DNAJC27: variants seen among roughly 807,000 people sequenced by gnomAD.
The protein encoded by DNAJC27 is dnaJ homolog subfamily C member 27.
DNAJC27 carries 25 observed loss-of-function variants against 31.4 expected under a neutral mutation model. The observed-to-expected ratio is 0.80, with a 90% CI of 0.58 to 1.11. The LOEUF (loss-of-function observed/expected upper bound fraction) is 1.11, where lower values mean the gene tolerates loss of function less well. DNAJC27 is among the 50% of genes most tolerant of loss of function. The pLI, the probability that DNAJC27 is intolerant of heterozygous loss-of-function variation, is 0.00. For missense variants in DNAJC27, 356 were observed against 347.3 expected (o/e 1.02, Z -0.20); for synonymous variants, 106 against 112.7 (o/e 0.94, Z 0.37).
In DNAJC27 at chr2:24,947,759, A is replaced by C. The variant is rs200057489; in HGVS notation, c.690-11T>G. 5.0e-6 allele frequency: 8 copies of C among 1,609,834 alleles called. No homozygotes were observed. The highest frequency in any genetic ancestry group is 2.2e-5 in the South Asian group (2 of 90,832). Reference sequence around the variant, plus strand: ...TTATTGACTTCATCCCTGGGAAAAGAAGCCAAGATCTATGTTAGTAACAGA... The same window carrying C: ...TTATTGACTTCATCCCTGGGAAAAGCAGCCAAGATCTATGTTAGTAACAGA... On this transcript the variant is annotated splice_polypyrimidine_tract_variant and intron_variant, in intron 6 of 6. Transcript: ENST00000264711.
chr2:24,970,762 A>G (rs1489201336), intron 1 of DNAJC27, among the ~76,000 whole-genome samples: 3 of 147,762 alleles, frequency 2.0e-5, no homozygotes, highest in African/African-American at 7.4e-5. Flanking sequence ...CAGTCCCTAG[A>G]AAAAAAAAAA....
At chr2:24,961,044 A>G (rs1392590354) in intron 3 of DNAJC27, among the ~76,000 whole-genome samples, 1 of 152,240 alleles carries the variant, frequency 6.6e-6, no homozygotes, top group Non-Finnish European at 1.5e-5. Context: ...TAGAGAGGAA[A>G]AGTCGATGCC....
rs768673712 is a variant in DNAJC27 at position 24,971,864 on chromosome 2, G to C, written c.41C>G (p.Ser14Cys). 10 of 1,609,416 alleles carry C rather than the reference G, an allele frequency of 6.2e-6. No individual in the cohort carries two copies. In the East Asian group the frequency reaches 2.2e-4, roughly 36 times the overall value. Residue 14 changes from serine to cysteine, a missense_variant, in exon 1 of 7, where the codon TCT becomes TGT. Physicochemically the swap from Ser to Cys is moderately radical, Grantham distance 112 (BLOSUM62 -1). Transcript: ENST00000264711. ...CATGGAGATGACTTTGATGCGGAGA[G>C]ACCTGCCGGGCTCCTTCCGCTTCGG... ...NMPKRKEPGR[S>C]LRIKVISMGN...
chr2:24,966,700 G>A (rs1040274940), intron 2 of DNAJC27, among the ~76,000 whole-genome samples: 16 of 151,968 alleles, frequency 1.1e-4, no homozygotes, highest in Non-Finnish European at 2.4e-4. Flanking sequence ...CTCGTTATCC[G>A]CCCGTCTCGG....
rs772313534 is a variant in DNAJC27 at position 24,951,361 on chromosome 2, A to G, written c.689+33T>C. 6 of 1,575,612 alleles carry G rather than the reference A, an allele frequency of 3.8e-6. No individual in the cohort carries two copies. In the Admixed American group the frequency reaches 7.2e-5, roughly 19 times the overall value. On this transcript the variant is annotated intron_variant, in intron 6 of 6. Transcript: ENST00000264711. ...TGGTGATGGAGTCTTTCTTTATGAT[A>G]GCAATCAGCACTAAGTATCCCAGAG...
intron 5 of DNAJC27, among the ~76,000 whole-genome samples, chr2:24,956,500 TCTCCTATTCTCTAACTGC>T (rs1665907708): frequency 6.6e-6 from 1 of 152,170 alleles, no homozygotes; most frequent in Non-Finnish European, 1.5e-5. Flanking sequence ...ATACTGACAG[TCTCCTATTCTCTAACTGC>T]ACCCCTGTGG....
At chr2:24,967,112 C>A in intron 2 of DNAJC27, 99 bp downstream of exon 2, 2 of 868,874 alleles carry the variant, frequency 2.3e-6, no homozygotes, top group Admixed American at 2.2e-5. Flanking sequence ...GTCTCCATTT[C>A]AAGATTACCT....
In DNAJC27 at chr2:24,963,505, G is replaced by A. The variant is rs190480393; in HGVS notation, c.171-31C>T. On this transcript the variant is annotated intron_variant, in intron 2 of 6. Coordinates refer to ENST00000264711, the MANE Select transcript of DNAJC27 (RefSeq NM_016544.3). ...ATGTTCAAATGGAAACAATCCGAAA[G>A]AAAGTCATGGTTTCTCCATTTACCT... is the stretch of plus-strand genomic sequence containing the variant. 6 of 1,571,260 alleles carry A rather than the reference G, an allele frequency of 3.8e-6. No homozygotes were observed. The East Asian group carries it at 1.3e-4, about 35-fold the overall frequency.
chr2:24,953,716 C>T (rs1195507240), intron 5 of DNAJC27: 1 of 168,742 alleles, frequency 5.9e-6, no homozygotes, highest in African/African-American at 2.4e-5. Context: ...TGTCTTCTAG[C>T]CTACGAGTTA....
At chr2:24,965,551 A>G (rs1666160856) in intron 2 of DNAJC27, among the ~76,000 whole-genome samples, 1 of 152,252 alleles carries the variant, frequency 6.6e-6, no homozygotes, top group Middle Eastern at 3.4e-3. Flanking sequence ...CCACCGTGCC[A>G]AGCCAGAAAT....
In DNAJC27 at chr2:24,948,782, C is replaced by T. The variant is rs796459701; in HGVS notation, c.690-1034G>A. On this transcript the variant is annotated intron_variant, in intron 6 of 6. Coordinates refer to ENST00000264711, the MANE Select transcript of DNAJC27 (RefSeq NM_016544.3). Reference sequence around the variant, plus strand: ...AGGCCTCCCAGAGGGCTCTAAGTACCCAGCCACTCCCCAGTCAGATTAAGC... The same window carrying T: ...AGGCCTCCCAGAGGGCTCTAAGTACTCAGCCACTCCCCAGTCAGATTAAGC... 1.8e-4 allele frequency among the ~76,000 whole-genome samples: 27 copies of T among 152,306 alleles called. 1 individual carries two copies. The highest frequency in any genetic ancestry group is 6.3e-4 in the African/African-American group (26 of 41,566).
intron 3 of DNAJC27, among the ~76,000 whole-genome samples, chr2:24,960,899 G>C (rs935089018): frequency 6.6e-6 from 1 of 152,270 alleles, no homozygotes; most frequent in African/African-American, 2.4e-5. Context: ...ATGTAGTGCT[G>C]CAAGTTATTC....
At chr2:24,950,437 C>T (rs1048457302) in intron 6 of DNAJC27, among the ~76,000 whole-genome samples, 4 of 152,172 alleles carry the variant, frequency 2.6e-5, no homozygotes, top group South Asian at 2.1e-4. Context: ...AGAATTAGAC[C>T]GTTGAAAGTT....
intron 1 of DNAJC27, 60 bp downstream of exon 1, chr2:24,971,758 G>C (rs1461464825): frequency 1.4e-6 from 2 of 1,474,708 alleles, no homozygotes; most frequent in African/African-American, 1.4e-5. Context: ...CGCCCTTCCA[G>C]CCAATGGACA....
intron 3 of DNAJC27, among the ~76,000 whole-genome samples, chr2:24,961,934 T>G (rs1376685974): frequency 6.6e-6 from 1 of 152,234 alleles, no homozygotes; most frequent in Non-Finnish European, 1.5e-5. Context: ...TTAACTGAAT[T>G]GACTCCAATT....
chr2:24,963,590 G>A, intron 2 of DNAJC27, 116 bp from the exon 3 acceptor site: 1 of 715,866 alleles, frequency 1.4e-6, no homozygotes, highest in Non-Finnish European at 2.3e-6. Context: ...CTTTCTTAGT[G>A]CCTCTTCCTC....
Position 24,971,864 on chromosome 2 carries a change from G to T in DNAJC27, c.41C>A (p.Ser14Tyr). Reference protein sequence around the residue: ...NMPKRKEPGRSLRIKVISMGN... With the variant: ...NMPKRKEPGRYLRIKVISMGN... Reference sequence around the variant, plus strand: ...CATGGAGATGACTTTGATGCGGAGAGACCTGCCGGGCTCCTTCCGCTTCGG... The same window carrying T: ...CATGGAGATGACTTTGATGCGGAGATACCTGCCGGGCTCCTTCCGCTTCGG... The change falls in exon 1 of 7, where the codon TCT (serine) becomes TAT (tyrosine). Residue 14 changes from serine to tyrosine, a missense_variant. Transcript: ENST00000264711. 1 of 1,609,534 alleles carries T rather than the reference G, an allele frequency of 6.2e-7. No individual in the cohort carries two copies.
At chr2:24,956,506 A>G (rs981139102) in intron 5 of DNAJC27, among the ~76,000 whole-genome samples, 1 of 152,136 alleles carries the variant, frequency 6.6e-6, no homozygotes, top group African/African-American at 2.4e-5. Context: ...ACAGTCTCCT[A>G]TTCTCTAACT....
intron 1 of DNAJC27, 108 bp from the exon 2 acceptor site, chr2:24,967,401 T>C: frequency 2.2e-6 from 2 of 921,012 alleles, no homozygotes; most frequent in South Asian, 1.6e-5. Flanking sequence ...TGAAAAAGCA[T>C]TTTCAAAAGA....
Sources: allele counts gnomAD v4.1 joint callset (sites outside exome capture counted in the v4.1 genomes callset), GRCh38; gene constraint gnomAD v4.1.1; transcripts MANE v1.5; gene names NCBI Gene and HGNC (gene_info 2026-07-23, HGNC 2026-07-21).